Variants in PCDHGA9 observed in about 807,000 individuals in gnomAD.
The protein encoded by PCDHGA9 is protocadherin gamma-A9.
A neutral mutation model predicts 62.5 loss-of-function variants in PCDHGA9; 37 were observed. That is an observed-to-expected ratio of 0.59 (90% CI 0.46 to 0.78). The LOEUF is 0.78. Among genes scored for constraint, PCDHGA9 ranks in the 30% least tolerant of loss-of-function variants. PCDHGA9 has a pLI of 0.00. For synonymous variants in PCDHGA9, 459 were observed against 484.6 expected, an observed-to-expected ratio of 0.95 and a Z score of 0.69; for missense variants, 1,138 against 1,166.2, an observed-to-expected ratio of 0.98 and a Z score of 0.35.
At position 141,463,796 on chromosome 5, in the gene PCDHGA9, G is replaced by A. The variant is rs139760353; in HGVS notation, c.2425-31011G>A. ...ATCCTGCACTGTCTTTTGAACAAAT[G>A]TCTAAAAGCTTTTATCACACATTTT... On this transcript the variant is annotated intron_variant, in intron 1 of 3. Coordinates refer to ENST00000573521, the MANE Select transcript of PCDHGA9 (RefSeq NM_018921.3). Among the ~76,000 whole-genome samples, 155 of 152,232 alleles carry A rather than the reference G, an allele frequency of 1.0e-3. 1 individual carries two copies. The highest frequency in any genetic ancestry group is 3.4e-3 in the African/African-American group (140 of 41,538).
At chr5:141,505,913 T>C (rs1457583355) in intron 3 of PCDHGA9, among the ~76,000 whole-genome samples, 1 of 152,098 alleles carries the variant, frequency 6.6e-6, no homozygotes, top group African/African-American at 2.4e-5. Context: ...AAGCATAGAG[T>C]TCTGGGCCTG....
intron 1 of PCDHGA9, chr5:141,412,443 T>C (rs1479281650): frequency 6.6e-6 from 1 of 152,204 alleles, no homozygotes; most frequent in Non-Finnish European, 1.5e-5. Context: ...TAATTAAGGC[T>C]CAGTAAAACT....
In PCDHGA9 at chr5:141,461,484, T is replaced by C. The variant is rs1171584384; in HGVS notation, c.2425-33323T>C. On this transcript the variant is annotated intron_variant, in intron 1 of 3. Transcript: ENST00000573521. ...GTCCTTTGCCTACTTTTTAATGGGATTGTGTTTTATTTTTCTTGGTGATTT... is the reference window on the plus strand; with the variant it reads ...GTCCTTTGCCTACTTTTTAATGGGACTGTGTTTTATTTTTCTTGGTGATTT... 2.6e-5 allele frequency among the ~76,000 whole-genome samples: 4 copies of C among 152,152 alleles called. No homozygotes were observed. In the East Asian group the frequency reaches 7.7e-4, roughly 29 times the overall value.
intron 1 of PCDHGA9, chr5:141,478,028 G>A (rs2099428840): frequency 6.2e-7 from 1 of 1,614,060 alleles, no homozygotes; most frequent in South Asian, 1.1e-5. Flanking sequence ...CCAAGACACA[G>A]ATTCACCCAG....
In PCDHGA9 at chr5:141,477,868, C is replaced by A; in HGVS notation, c.2425-16939C>A. The A allele has an allele frequency of 6.2e-7, 1 of 1,613,750 alleles. No homozygotes were observed. Among genetic ancestry groups the A allele is most frequent in the Non-Finnish European group, 8.5e-7 (1 of 1,179,908 alleles). ...CGGTGGAGATGCTGCCTCGAGGTAC[C>A]TCAGCTGGCCACCTAGTGTCACGGG... On this transcript the variant is annotated intron_variant, in intron 1 of 3. Coordinates refer to ENST00000573521, the MANE Select transcript of PCDHGA9 (RefSeq NM_018921.3). The surrounding 1 kb of genome is among the most constrained non-coding windows in gnomAD (Gnocchi z 4.9).
At chr5:141,412,233 A>T (rs866840267) in intron 1 of PCDHGA9, 1 of 152,256 alleles carries the variant, frequency 6.6e-6, no homozygotes, top group Non-Finnish European at 1.5e-5. Context: ...TTAAAAACCT[A>T]TATCACTACA....
In PCDHGA9 at chr5:141,404,167, G is replaced by A. The variant is rs2094493296; in HGVS notation, c.1215G>A (p.Leu405=). 6.2e-7 allele frequency: 1 copy of A among 1,612,946 alleles called. No homozygotes were observed. The highest frequency in any genetic ancestry group is 1.1e-5 in the South Asian group (1 of 90,922). ...CAGAAGAAGATTATTACAGATTGTT[G>A]ACGGCCCAAATTCTTGACCGAGAAA... is the stretch of plus-strand genomic sequence containing the variant. The part of the protein sequence containing the change: ...ENSEEDYYRL[L]TAQILDREKA... Residue 405 remains leucine, a synonymous_variant, in exon 1 of 4, where the codon TTG becomes TTA. Transcript: ENST00000573521.
intron 1 of PCDHGA9, chr5:141,410,263 A>G (rs532833925): frequency 1.4e-5 from 22 of 1,613,876 alleles, no homozygotes; most frequent in African/African-American, 2.7e-5. Flanking sequence ...CCCAGGCTGA[A>G]CTGCAGTTTT....
Position 141,403,928 on chromosome 5 carries a change from G to A in PCDHGA9, c.976G>A (p.Gly326Arg). 6.2e-7 allele frequency: 1 copy of A among 1,613,876 alleles called. No homozygotes were observed. Among genetic ancestry groups the A allele is most frequent in the Non-Finnish European group, 8.5e-7 (1 of 1,179,876 alleles). ...EMEIQAEDGG[G>R]LKGWTKVLIS... ...GGAAATACAAGCTGAAGATGGTGGG[G>A]GATTGAAAGGGTGGACAAAAGTGCT... The change falls in exon 1 of 4, where the codon GGA becomes AGA. Residue 326 changes from glycine (G) to arginine (R), a missense_variant. Coordinates refer to ENST00000573521, the MANE Select transcript of PCDHGA9 (RefSeq NM_018921.3).
intron 1 of PCDHGA9, among the ~76,000 whole-genome samples, chr5:141,467,008 A>AT (rs1165146249): frequency 6.7e-6 from 1 of 150,270 alleles, no homozygotes; most frequent in Non-Finnish European, 1.5e-5. Context: ...TTGCAATGCA[A>AT]TTTTTTTCCC....
At chr5:141,501,716 A>G (rs2099810687) in intron 2 of PCDHGA9, among the ~76,000 whole-genome samples, 1 of 152,160 alleles carries the variant, frequency 6.6e-6, no homozygotes, top group African/African-American at 2.4e-5. Flanking sequence ...TAAAAAAGAC[A>G]AATATATTAC....
intron 1 of PCDHGA9, chr5:141,484,865 G>A (rs1431313212): frequency 3.6e-6 from 1 of 278,548 alleles, no homozygotes; most frequent in Non-Finnish European, 6.7e-6. Flanking sequence ...GGGTGGGGGA[G>A]CGTGGAGGAT....
At chr5:141,427,008 C>G (rs762510673) in intron 1 of PCDHGA9, 145 of 456,786 alleles carry the variant, frequency 3.2e-4, no homozygotes, top group African/African-American at 2.8e-3. Context: ...AGTTTTTAGC[C>G]AGGATGTATA....
rs539620413 is a variant in PCDHGA9, at chr5:141,488,489, G to GT, written c.2425-6317dup. Among the ~76,000 whole-genome samples the GT allele has an allele frequency of 1.6e-4, 25 of 152,268 alleles. No homozygotes were observed. In the South Asian group the frequency reaches 4.6e-3, roughly 28 times the overall value. On this transcript the variant is annotated intron_variant, in intron 1 of 3. Transcript: ENST00000573521. ...AGAAATGTTCCCCTACCCAAAAACT[G>GT]TAACACTCATTCCACATTTGGGGTC...
Position 141,485,943 on chromosome 5 carries a change from C to A in PCDHGA9, c.2425-8864C>A, listed in dbSNP as rs750871245. The A allele has an allele frequency of 1.9e-6, 3 of 1,614,126 alleles. No individual in the cohort carries two copies. Among genetic ancestry groups the A allele is most frequent in the Non-Finnish European group, 1.7e-6 (2 of 1,180,012 alleles). ...ATTAGTGTGTTGGAGAGCGCACCAG[C>A]GGGCATGGTGCTCATCCAGCTCAAT... is the stretch of plus-strand genomic sequence containing the variant. On this transcript the variant is annotated intron_variant, in intron 1 of 3. Coordinates refer to ENST00000573521, the MANE Select transcript of PCDHGA9 (RefSeq NM_018921.3). The surrounding 1 kb of genome is among the most constrained non-coding windows in gnomAD (Gnocchi z 5.7).
At chr5:141,427,858 C>T in intron 1 of PCDHGA9, 1 of 1,555,500 alleles carries the variant, frequency 6.4e-7, no homozygotes, top group South Asian at 1.1e-5. Context: ...CAGCTGTGCG[C>T]CTTCGAGCTC....
In PCDHGA9 at chr5:141,477,377, C is replaced by A. The variant is rs1456451105; in HGVS notation, c.2425-17430C>A. On this transcript the variant is annotated intron_variant, in intron 1 of 3. Coordinates refer to ENST00000573521, the MANE Select transcript of PCDHGA9 (RefSeq NM_018921.3). This position sits in a 1 kb window ranked among gnomAD's most constrained non-coding sequence, Gnocchi z 4.9. ...TGCAGACCTGGATCGGGAGACTGTG[C>A]CAGAATACAACCTCAGCATCACCGC... 1.2e-6 allele frequency: 2 copies of A among 1,614,026 alleles called. No homozygotes were observed. The highest frequency in any genetic ancestry group is 1.7e-6 in the Non-Finnish European group (2 of 1,180,032).
At chr5:141,422,900 A>G (rs2096684887) in intron 1 of PCDHGA9, 2 of 1,614,220 alleles carry the variant, frequency 1.2e-6, no homozygotes, top group South Asian at 2.2e-5. Flanking sequence ...GACCAGAACG[A>G]CAATGCGCCC....
At chr5:141,488,687 GA>G (rs1238909682) in intron 1 of PCDHGA9, among the ~76,000 whole-genome samples, 1 of 152,192 alleles carries the variant, frequency 6.6e-6, no homozygotes, top group East Asian at 1.9e-4. Flanking sequence ...GCCTCTCCCA[GA>G]AGGACAAGAT....
Sources: gnomAD v4.1 joint callset for allele counts (sites outside exome capture counted in the v4.1 genomes callset) on GRCh38, gnomAD v4.1.1 for gene constraint, Gnocchi (gnomAD v3.1) non-coding constraint, MANE v1.5 for transcripts, NCBI Gene and HGNC (gene_info 2026-07-23, HGNC 2026-07-21) for gene names.